GALNT5: variants seen among roughly 807,000 people sequenced by gnomAD.
The protein encoded by GALNT5 is polypeptide N-acetylgalactosaminyltransferase 5.
GALNT5 carries 72 observed loss-of-function variants against 85.4 expected under a neutral mutation model. The observed-to-expected ratio is 0.84, with a 90% CI of 0.70 to 1.03. The LOEUF (loss-of-function observed/expected upper bound fraction) is 1.03, where lower values mean the gene tolerates loss of function less well. GALNT5 is among the 50% of genes least tolerant of loss of function. The probability of loss-of-function intolerance (pLI) is 0.00; values close to 1 mark genes in which losing one functional copy is unlikely to be tolerated. For missense variants in GALNT5, 1,137 were observed against 1,135.5 expected, an observed-to-expected ratio of 1.00 and a Z score of -0.02; for synonymous variants, 404 against 397.0, an observed-to-expected ratio of 1.02 and a Z score of -0.21.
chr2:157,300,194 C>A (rs1386557275), intron 6 of GALNT5, among the ~76,000 whole-genome samples: 1 of 152,112 alleles, frequency 6.6e-6, no homozygotes, highest in Non-Finnish European at 1.5e-5. Flanking sequence ...TAGAGAGTGT[C>A]CAAAAAGTAA....
intron 7 of GALNT5, among the ~76,000 whole-genome samples, chr2:157,305,224 T>C (rs1168054244): frequency 6.6e-6 from 1 of 152,194 alleles, no homozygotes; most frequent in Non-Finnish European, 1.5e-5. Context: ...TTCGTGACTT[T>C]CCTATAATGA....
chr2:157,294,492 T>C (rs1412057711), intron 3 of GALNT5, among the ~76,000 whole-genome samples: 1 of 152,190 alleles, frequency 6.6e-6, no homozygotes, highest in Non-Finnish European at 1.5e-5. Flanking sequence ...AAAGTGGTCC[T>C]GGCAGAGGTT....
At chr2:157,293,680 C>T (rs907438379) in intron 3 of GALNT5, among the ~76,000 whole-genome samples, 14 of 152,182 alleles carry the variant, frequency 9.2e-5, no homozygotes, top group Non-Finnish European at 1.6e-4. Context: ...CAAGAACACT[C>T]CACACCAATA....
At chr2:157,274,096 T>C (rs551881308) in intron 1 of GALNT5, among the ~76,000 whole-genome samples, 1 of 152,284 alleles carries the variant, frequency 6.6e-6, no homozygotes, top group Admixed American at 6.5e-5. Context: ...GTCCTTGTGA[T>C]AGTTTGCTGA....
At chr2:157,261,555 T>C (rs1214562985) in intron 1 of GALNT5, among the ~76,000 whole-genome samples, 2 of 152,172 alleles carry the variant, frequency 1.3e-5, no homozygotes, top group East Asian at 1.9e-4. Context: ...TGGCTAAATA[T>C]AGGTGTGTCT....
chr2:157,259,049 G>A lies in GALNT5; in HGVS notation c.967G>A (p.Val323Met), dbSNP rs1294961295. 1 of 1,474,822 alleles carries A rather than the reference G, an allele frequency of 6.8e-7. No individual in the cohort carries two copies. The allele number at this position is 1,474,822 out of a possible 1,614,324, so 91.4% of individuals were successfully genotyped here. ...ACTCAATTTCTCTGAAAGCCATCTT[G>A]TGATTATAACCAAAGAGGAAGAGCA... is the stretch of plus-strand genomic sequence containing the variant. ...KKLNFSESHLVIITKEEEQKA... is the reference protein window; with the variant it reads ...KKLNFSESHLMIITKEEEQKA... The change falls in exon 1 of 10, where the codon GTG becomes ATG. Residue 323 changes from valine to methionine, a missense_variant. By Grantham distance (21) the Val-to-Met change is conservative. Transcript: ENST00000259056.
rs770861717 is a variant in GALNT5, at chr2:157,296,473, G to A, written c.1957G>A (p.Val653Ile). ...NFGWRTIPPD[V>I]IAKNRIKETD... ...TGGTTGGAGAACAATTCCTCCAGAT[G>A]TCATTGCAAAAAACAGAATTAAAGA... The change falls in exon 5 of 10, where the codon GTC becomes ATC. Residue 653 changes from valine (V) to isoleucine (I), a missense_variant. Val to Ile is a conservative substitution (Grantham distance 29). Coordinates refer to ENST00000259056, the MANE Select transcript of GALNT5 (RefSeq NM_014568.3). 58 of 1,609,944 alleles carry A rather than the reference G, an allele frequency of 3.6e-5. No individual in the cohort carries two copies. The East Asian group carries it at 1.3e-3, about 35-fold the overall frequency.
chr2:157,276,329 C>G (rs1004228241), intron 1 of GALNT5, among the ~76,000 whole-genome samples: 1 of 152,168 alleles, frequency 6.6e-6, no homozygotes, highest in Non-Finnish European at 1.5e-5. Context: ...CAGGATGATG[C>G]TGGCCTCATA....
rs1006211792 is a variant in GALNT5, at chr2:157,284,351, G to A, written c.1524G>A (p.Val508=). Residue 508 remains valine (V), a synonymous_variant, in exon 2 of 10, where the codon GTG becomes GTA. Coordinates refer to ENST00000259056, the MANE Select transcript of GALNT5 (RefSeq NM_014568.3). ...TSVIMCFVDE[V]WSTLLRSVHS... Reference sequence around the variant, plus strand: ...TCATCATGTGCTTTGTGGATGAAGTGTGGTCCACTCTCCTGAGATCTGTTC... The same window carrying A: ...TCATCATGTGCTTTGTGGATGAAGTATGGTCCACTCTCCTGAGATCTGTTC... The A allele has an allele frequency of 5.0e-6, 8 of 1,613,530 alleles. No homozygotes were observed. The highest frequency in any genetic ancestry group is 2.7e-5 in the African/African-American group (2 of 74,886).
At chr2:157,304,850 C>G (rs1462404611) in intron 7 of GALNT5, among the ~76,000 whole-genome samples, 1 of 152,178 alleles carries the variant, frequency 6.6e-6, no homozygotes, top group African/African-American at 2.4e-5. Flanking sequence ...TGTGAGCATC[C>G]AGTCTGCATC....
In GALNT5 at chr2:157,309,149, C is replaced by T. The variant is rs977209226; in HGVS notation, c.2682+421C>T. 3.7e-4 allele frequency among the ~76,000 whole-genome samples: 57 copies of T among 152,142 alleles called. 2 individuals carry two copies. The highest frequency in any genetic ancestry group is 8.1e-4 in the Non-Finnish European group (55 of 68,026). On this transcript the variant is annotated intron_variant, in intron 9 of 9. Transcript: ENST00000259056. Reference sequence around the variant, plus strand: ...AGAGTGAATCTGGTTCCTCATTCTGCCCCCTTTCCATAAGAGACTCTTCCC... The same window carrying T: ...AGAGTGAATCTGGTTCCTCATTCTGTCCCCTTTCCATAAGAGACTCTTCCC...
At chr2:157,286,907 T>C (rs1682988849) in intron 3 of GALNT5, among the ~76,000 whole-genome samples, 1 of 149,864 alleles carries the variant, frequency 6.7e-6, no homozygotes, top group Non-Finnish European at 1.5e-5. Context: ...TGTGTGTGTG[T>C]GTGTGTGTGT....
At chr2:157,284,150 T>C (rs1682915723) in intron 1 of GALNT5, 132 bp from the exon 2 acceptor site, 1 of 674,862 alleles carries the variant, frequency 1.5e-6, no homozygotes, top group Non-Finnish European at 2.6e-6. Flanking sequence ...AAATAGATGA[T>C]AGATAGACCA....
intron 1 of GALNT5, among the ~76,000 whole-genome samples, chr2:157,271,023 G>C (rs1244149245): frequency 6.6e-6 from 1 of 152,122 alleles, no homozygotes; most frequent in African/African-American, 2.4e-5. Flanking sequence ...GGCTGAAGTA[G>C]GAGAATGGCG....
In GALNT5 at chr2:157,258,106, C is replaced by T; in HGVS notation, c.24C>T (p.Phe8=). Residue 8 remains phenylalanine (F), a synonymous_variant, in exon 1 of 10, where the codon TTC becomes TTT. Transcript: ENST00000259056. MNRIRKF[F]RGSGRVLAFI... Reference sequence around the variant, plus strand: ...CCATGAACAGGATCCGAAAGTTTTTCCGAGGAAGTGGGCGAGTCTTGGCAT... The same window carrying T: ...CCATGAACAGGATCCGAAAGTTTTTTCGAGGAAGTGGGCGAGTCTTGGCAT... 3.1e-6 allele frequency: 5 copies of T among 1,613,938 alleles called. No individual in the cohort carries two copies. The South Asian group carries it at 5.5e-5, about 18-fold the overall frequency.
intron 1 of GALNT5, among the ~76,000 whole-genome samples, chr2:157,282,023 A>C (rs1682865754): frequency 6.6e-6 from 1 of 152,214 alleles, no homozygotes; most frequent in Admixed American, 6.5e-5. Context: ...AAAGCTCTTA[A>C]GTGAAGAGAG....
At chr2:157,279,215 C>A (rs1371794334) in intron 1 of GALNT5, among the ~76,000 whole-genome samples, 1 of 152,156 alleles carries the variant, frequency 6.6e-6, no homozygotes, top group African/African-American at 2.4e-5. Flanking sequence ...GAGGGGCACC[C>A]GCCTATATGA....
At position 157,258,624 on chromosome 2, in the gene GALNT5, T is replaced by C; in HGVS notation, c.542T>C (p.Val181Ala). 1 of 1,613,480 alleles carries C rather than the reference T, an allele frequency of 6.2e-7. No individual in the cohort carries two copies. Reference protein sequence around the residue: ...TSFIAAKGTQVVKISVHMGRV... With the variant: ...TSFIAAKGTQAVKISVHMGRV... ...TTCATAGCAGCAAAAGGAACTCAGG[T>C]AGTCAAAATATCAGTACACATGGGA... Residue 181 changes from valine to alanine, a missense_variant, in exon 1 of 10, where the codon GTA becomes GCA. By Grantham distance (64) the Val-to-Ala change is moderately conservative. Coordinates refer to ENST00000259056, the MANE Select transcript of GALNT5 (RefSeq NM_014568.3).
intron 1 of GALNT5, among the ~76,000 whole-genome samples, chr2:157,282,883 GAATTC>G (rs568686748): frequency 2.7e-4 from 41 of 152,188 alleles, no homozygotes; most frequent in Non-Finnish European, 5.6e-4. Flanking sequence ...TATGAAGACT[GAATTC>G]AATTATGTAC....
Sources: gnomAD v4.1 joint callset for allele counts (sites outside exome capture counted in the v4.1 genomes callset) on GRCh38, gnomAD v4.1.1 for gene constraint, MANE v1.5 for transcripts, NCBI Gene and HGNC (gene_info 2026-07-23, HGNC 2026-07-21) for gene names.